The following MAEA variants were observed in gnomAD, a reference collection of about 807,000 sequenced individuals.
MAEA encodes E3 ubiquitin-protein transferase MAEA.
In MAEA, 22 loss-of-function variants were observed where a neutral mutation model predicts 46.2. That is an observed-to-expected ratio of 0.48 (90% CI 0.34 to 0.68). The LOEUF (loss-of-function observed/expected upper bound fraction) is 0.68. Ranked by LOEUF, MAEA falls within the 30% of genes least tolerant of loss-of-function variation. The pLI is 0.01. For synonymous variants in MAEA, 246 were observed against 222.6 expected (o/e 1.11, Z -0.94); for missense variants, 393 against 558.1 (o/e 0.70, Z 2.98).
intron 4 of MAEA, among the ~76,000 whole-genome samples, chr4:1,326,430 C>A (rs1738822233): frequency 6.6e-6 from 1 of 152,208 alleles, no homozygotes; most frequent in South Asian, 2.1e-4. Flanking sequence ...GGACATGTCA[C>A]TTCCGTAGAA....
rs578162999 is a variant in MAEA at position 1,329,815 on chromosome 4, C to T, written c.656+2112C>T. The T allele has an allele frequency of 6.8e-4, 666 of 985,478 alleles. 13 individuals carry two copies. The highest frequency in any genetic ancestry group is 1.9e-4 in the Non-Finnish European group (161 of 829,982). 61.0% of individuals were successfully genotyped at this position (985,478 alleles called of 1,614,324 possible). A position where few individuals can be genotyped will look rare whatever the true frequency, so the allele number is the denominator to read the frequency against. ...CACTGAGGCTGGACAAGAGGGAAGG[C>T]GGAGAAGCCTGGCCACATGTCTCCT... is the stretch of plus-strand genomic sequence containing the variant. On this transcript the variant is annotated intron_variant, in intron 5 of 8. Coordinates refer to ENST00000303400, the MANE Select transcript of MAEA (RefSeq NM_001017405.3).
rs767287679 is a variant in MAEA at position 1,293,255 on chromosome 4, G to A, written c.69+3273G>A. ...AAAAGTAATTTGATGAGTTGGGTGC[G>A]GTGGTGTGCGCCTGTAGTCCCAGCT... On this transcript the variant is annotated intron_variant, in intron 1 of 8. Coordinates refer to ENST00000303400, the MANE Select transcript of MAEA (RefSeq NM_001017405.3). Among the ~76,000 whole-genome samples the A allele has an allele frequency of 7.9e-5, 12 of 151,662 alleles. No individual in the cohort carries two copies. In the East Asian group the frequency reaches 1.7e-3, roughly 22 times the overall value.
chr4:1,327,475 C>G (rs1738994304), intron 4 of MAEA, 152 bp from the exon 5 acceptor site: 1 of 690,570 alleles, frequency 1.4e-6, no homozygotes, highest in Non-Finnish European at 2.6e-6. Flanking sequence ...AAAGTGGCAG[C>G]TTCAGCCTCA....
intron 1 of MAEA, among the ~76,000 whole-genome samples, chr4:1,300,561 G>A (rs969986958): frequency 1.3e-5 from 2 of 152,274 alleles, no homozygotes; most frequent in African/African-American, 2.4e-5. Flanking sequence ...ACTGGACCGC[G>A]TGGGGCACGG....
In MAEA at chr4:1,290,001, C is replaced by T. The variant is rs369838516; in HGVS notation, c.69+19C>T. Reference sequence around the variant, plus strand: ...CCTCAAGGTGGGCGCCTGCGCCGCGCAGGCTGAGGGCAGCGAAGGCGTCTC... The same window carrying T: ...CCTCAAGGTGGGCGCCTGCGCCGCGTAGGCTGAGGGCAGCGAAGGCGTCTC... On this transcript the variant is annotated intron_variant, in intron 1 of 8. Coordinates refer to ENST00000303400, the MANE Select transcript of MAEA (RefSeq NM_001017405.3). 5.7e-4 allele frequency: 894 copies of T among 1,573,686 alleles called. 4 individuals are homozygous for T. In the African/African-American group the frequency reaches 0.011, roughly 19 times the overall value.
chr4:1,301,750 A>G (rs1735339902), intron 1 of MAEA, among the ~76,000 whole-genome samples: 4 of 152,248 alleles, frequency 2.6e-5, no homozygotes. Flanking sequence ...GCACTGGACA[A>G]GGGACACAGA....
chr4:1,319,090 A>T (rs1294149548), intron 3 of MAEA, among the ~76,000 whole-genome samples: 1 of 152,174 alleles, frequency 6.6e-6, no homozygotes, highest in Non-Finnish European at 1.5e-5. Context: ...AGGGCTCTCA[A>T]CCCGTAATCC....
chr4:1,338,754 G>A (rs1713143992), intron 8 of MAEA, 137 bp downstream of exon 8: 1 of 903,644 alleles, frequency 1.1e-6, no homozygotes, highest in Non-Finnish European at 1.7e-6. Flanking sequence ...GGCAGGGCGG[G>A]GGGCCAGGCT....
chr4:1,316,104 C>T (rs964763289), intron 3 of MAEA, among the ~76,000 whole-genome samples: 11 of 152,098 alleles, frequency 7.2e-5, no homozygotes, highest in Non-Finnish European at 1.0e-4. Context: ...ACCTGTACCC[C>T]GGGTTTTGCG....
chr4:1,307,599 C>A (rs1735958052), intron 1 of MAEA, among the ~76,000 whole-genome samples: 1 of 152,244 alleles, frequency 6.6e-6, no homozygotes, highest in African/African-American at 2.4e-5. Flanking sequence ...TATTGGGGAA[C>A]TGGCTTGTGT....
intron 2 of MAEA, among the ~76,000 whole-genome samples, chr4:1,314,708 A>G (rs765012233): frequency 6.6e-6 from 1 of 152,260 alleles, no homozygotes; most frequent in Non-Finnish European, 1.5e-5. Flanking sequence ...AAGAAAACAG[A>G]GACAAAGAAA....
In MAEA at chr4:1,334,116, CCATGCCCACCCCATGCCCACCA is replaced by C. The variant is rs1226026073; in HGVS notation, c.765+1252_765+1273del. On this transcript the variant is annotated intron_variant, in intron 6 of 8. Transcript: ENST00000303400. Reference sequence around the variant, plus strand: ...CATCCCATGCCTACCGTGCTCACCCCCATGCCCACCCCATGCCCACCATGTGCTCACCCCTGCATCCACCCCC... The same window carrying C: ...CATCCCATGCCTACCGTGCTCACCCCTGTGCTCACCCCTGCATCCACCCCC... Among the ~76,000 whole-genome samples, 16 of 20,932 alleles carry C rather than the reference CCATGCCCACCCCATGCCCACCA, an allele frequency of 7.6e-4. 4 individuals are homozygous for C. Among genetic ancestry groups the C allele is most frequent in the African/African-American group, 2.8e-3 (15 of 5,438 alleles). The allele number at this position is 20,932 out of a possible 152,430, so 13.7% of individuals were successfully genotyped here.
rs535396008 is a variant in MAEA, at chr4:1,296,814, C to T, written c.69+6832C>T. Among the ~76,000 whole-genome samples, 54 of 152,272 alleles carry T rather than the reference C, an allele frequency of 3.5e-4. No homozygotes were observed. In the East Asian group the frequency reaches 5.2e-3, roughly 15 times the overall value. On this transcript the variant is annotated intron_variant, in intron 1 of 8. Transcript: ENST00000303400. ...CACAGCGGACCCCACTGCCTCGAGA[C>T]GCTCCCATCACTCGGCTCCCGTGAC...
In MAEA at chr4:1,305,583, G is replaced by T. The variant is rs541450230; in HGVS notation, c.70-6396G>T. ...AAAGAACTAAGCGCTTTTTCCAGAA[G>T]GATCATCAGAACTGCTGCCAGCAAG... On this transcript the variant is annotated intron_variant, in intron 1 of 8. Transcript: ENST00000303400. Among the ~76,000 whole-genome samples the T allele has an allele frequency of 8.3e-4, 127 of 152,280 alleles. 1 individual carries two copies. In the Middle Eastern group the frequency reaches 0.01, roughly 12 times the overall value.
chr4:1,303,973 G>A (rs1028641424), intron 1 of MAEA, among the ~76,000 whole-genome samples: 3 of 151,496 alleles, frequency 2.0e-5, no homozygotes, highest in East Asian at 2.0e-4. Context: ...GGGGGCGTCC[G>A]TGGTGTGTAG....
chr4:1,292,794 T>C (rs1285268891), intron 1 of MAEA, among the ~76,000 whole-genome samples: 10 of 151,952 alleles, frequency 6.6e-5, no homozygotes, highest in Admixed American at 6.6e-4. Context: ...GCTGTGGCTG[T>C]GTCTTTTTGC....
chr4:1,330,864 GT>G (rs1172299581), intron 5 of MAEA: 2 of 152,172 alleles, frequency 1.3e-5, no homozygotes, highest in Non-Finnish European at 2.9e-5. Flanking sequence ...CTGTCTTGGG[GT>G]CAGGATTTGT....
chr4:1,316,087 G>A (rs1013441238), intron 3 of MAEA, among the ~76,000 whole-genome samples: 14 of 152,034 alleles, frequency 9.2e-5, no homozygotes, highest in Middle Eastern at 3.4e-3. Context: ...GGATTTTCCC[G>A]CCCGATACCT....
intron 1 of MAEA, among the ~76,000 whole-genome samples, chr4:1,295,377 C>A (rs1051759841): frequency 1.3e-5 from 2 of 152,084 alleles, no homozygotes; most frequent in Non-Finnish European, 2.9e-5. Context: ...CATTTAGTGA[C>A]TGTTGAGCTG....
Sources: gnomAD v4.1 joint callset for allele counts (sites outside exome capture counted in the v4.1 genomes callset) on GRCh38, gnomAD v4.1.1 for gene constraint, MANE v1.5 for transcripts, NCBI Gene and HGNC (gene_info 2026-07-23, HGNC 2026-07-21) for gene names.